The following HHAT variants were observed in gnomAD, a reference collection of about 807,000 sequenced individuals.
HHAT encodes hedgehog acyltransferase.
HHAT carries 47 observed loss-of-function variants against 70.8 expected under a neutral mutation model. That is an observed-to-expected ratio of 0.66 (90% CI 0.53 to 0.85). The LOEUF (loss-of-function observed/expected upper bound fraction) is 0.85. Among genes scored for constraint, HHAT ranks in the 40% least tolerant of loss-of-function variants. The probability of loss-of-function intolerance (pLI) is 0.00; values close to 1 mark genes in which losing one functional copy is unlikely to be tolerated. For missense variants in HHAT, 609 were observed against 604.8 expected, an observed-to-expected ratio of 1.01 and a Z score of -0.07; for synonymous variants, 228 against 247.6, an observed-to-expected ratio of 0.92 and a Z score of 0.74.
At chr1:210,334,584 ACCTGC>A (rs1383168298) in intron 1 of HHAT, among the ~76,000 whole-genome samples, 1 of 152,074 alleles carries the variant, frequency 6.6e-6, no homozygotes, top group Non-Finnish European at 1.5e-5. Flanking sequence ...TATATAATCT[ACCTGC>A]CCTGCTCCTT....
chr1:210,349,052 A>G lies in HHAT; in HGVS notation c.77A>G (p.Tyr26Cys), dbSNP rs756004234. ...CACTTCTATTCCTTCTATGAAGTTT[A>G]CAAAGTCTCCAGAGGTAAGGCCCCA... ...GFHFYSFYEV[Y>C]KVSREHEEEL... is the part of the protein sequence containing the mutation. Residue 26 changes from tyrosine to cysteine, a missense_variant, in exon 2 of 12, where the codon TAC (tyrosine) becomes TGC (cysteine). Coordinates refer to ENST00000261458, the MANE Select transcript of HHAT (RefSeq NM_018194.6). The G allele has an allele frequency of 3.7e-6, 6 of 1,613,970 alleles. No individual in the cohort carries two copies. Among genetic ancestry groups the G allele is most frequent in the Non-Finnish European group, 5.1e-6 (6 of 1,180,020 alleles).
chr1:210,493,471 G>T (rs1255265131), intron 8 of HHAT, among the ~76,000 whole-genome samples: 2 of 152,062 alleles, frequency 1.3e-5, no homozygotes, highest in African/African-American at 4.8e-5. Context: ...ACATTATGGA[G>T]GGTAATCTGC....
chr1:210,491,837 A>G (rs1397005566), intron 8 of HHAT, among the ~76,000 whole-genome samples: 3 of 152,104 alleles, frequency 2.0e-5, no homozygotes, highest in South Asian at 4.1e-4. Flanking sequence ...ATCTCAGCTC[A>G]CTGCAACCTC....
intron 8 of HHAT, among the ~76,000 whole-genome samples, chr1:210,480,831 A>G (rs1303057937): frequency 6.6e-6 from 1 of 152,110 alleles, no homozygotes; most frequent in Non-Finnish European, 1.5e-5. Context: ...GGATACACTC[A>G]TGTGGGACTT....
At chr1:210,598,709 G>C (rs987843074) in intron 10 of HHAT, among the ~76,000 whole-genome samples, 1 of 152,210 alleles carries the variant, frequency 6.6e-6, no homozygotes. Context: ...TGGAGGAGAG[G>C]TGGCATTGCA....
chr1:210,640,664 C>CA (rs1414459956), intron 11 of HHAT, among the ~76,000 whole-genome samples: 2 of 150,140 alleles, frequency 1.3e-5, no homozygotes, highest in Non-Finnish European at 3.0e-5. Context: ...CCCCGCACTC[C>CA]GCCCCCCACT....
chr1:210,670,246 G>A (rs1679806592), intron 11 of HHAT, among the ~76,000 whole-genome samples: 1 of 152,190 alleles, frequency 6.6e-6, no homozygotes, highest in African/African-American at 2.4e-5. Flanking sequence ...CTGCCCCCCT[G>A]GGCCACATCA....
At chr1:210,552,331 G>A (rs145512146) in intron 9 of HHAT, among the ~76,000 whole-genome samples, 2 of 152,318 alleles carry the variant, frequency 1.3e-5, no homozygotes, top group East Asian at 3.9e-4. Context: ...TGTTTAAAAT[G>A]TAGGTAACTT....
At chr1:210,348,162 T>A (rs1299484584) in intron 1 of HHAT, among the ~76,000 whole-genome samples, 1 of 152,096 alleles carries the variant, frequency 6.6e-6, no homozygotes, top group East Asian at 1.9e-4. Flanking sequence ...GGAGGATCAC[T>A]TGAGGCCAGG....
intron 3 of HHAT, among the ~76,000 whole-genome samples, chr1:210,383,880 G>A (rs1189575401): frequency 6.6e-6 from 1 of 152,192 alleles, no homozygotes; most frequent in Admixed American, 6.5e-5. Flanking sequence ...AGAAAGGACA[G>A]GTCTGTCAGT....
Position 210,418,068 on chromosome 1 carries a change from T to G in HHAT, c.685-86T>G, listed in dbSNP as rs553733366. The G allele has an allele frequency of 6.3e-6, 8 of 1,268,392 alleles. No homozygotes were observed. The African/African-American group carries it at 8.8e-5, about 14-fold the overall frequency. 78.6% of individuals were successfully genotyped at this position (1,268,392 alleles called of 1,614,324 possible). On this transcript the variant is annotated intron_variant, in intron 6 of 11. Coordinates refer to ENST00000261458, the MANE Select transcript of HHAT (RefSeq NM_018194.6). Reference sequence around the variant, plus strand: ...TGTCAGCTGGCATAGCAATAATATTTGTGGGAAGTTTATGAAAAATCTTAT... The same window carrying G: ...TGTCAGCTGGCATAGCAATAATATTGGTGGGAAGTTTATGAAAAATCTTAT...
intron 11 of HHAT, among the ~76,000 whole-genome samples, chr1:210,656,944 T>C (rs761794913): frequency 3.9e-5 from 6 of 152,188 alleles, no homozygotes; most frequent in Non-Finnish European, 7.3e-5. Flanking sequence ...ATCTCTGAGC[T>C]TGGATGCCTC....
intron 8 of HHAT, among the ~76,000 whole-genome samples, chr1:210,502,261 G>A (rs929279047): frequency 6.6e-6 from 1 of 150,996 alleles, no homozygotes; most frequent in Admixed American, 6.6e-5. Flanking sequence ...GTGGGCGCCT[G>A]TAGTCCCAGC....
chr1:210,518,978 T>C (rs1246450770), intron 9 of HHAT, among the ~76,000 whole-genome samples: 3 of 152,180 alleles, frequency 2.0e-5, no homozygotes, highest in Admixed American at 6.5e-5. Context: ...TAAGCTCTGA[T>C]TGGTGACTGA....
At chr1:210,643,830 A>G (rs1227994784) in intron 11 of HHAT, among the ~76,000 whole-genome samples, 4 of 151,956 alleles carry the variant, frequency 2.6e-5, no homozygotes, top group African/African-American at 9.7e-5. Context: ...CATTACACAG[A>G]TGAGCCAGTG....
intron 7 of HHAT, among the ~76,000 whole-genome samples, chr1:210,446,360 G>A (rs1040412355): frequency 2.0e-5 from 3 of 152,066 alleles, no homozygotes; most frequent in African/African-American, 7.2e-5. Context: ...CCTGTTTATG[G>A]AAAAAATACC....
In HHAT at chr1:210,453,995, G is replaced by A. The variant is rs192570270; in HGVS notation, c.857-10510G>A. Among the ~76,000 whole-genome samples, 26 of 152,260 alleles carry A rather than the reference G, an allele frequency of 1.7e-4. No homozygotes were observed. In the East Asian group the frequency reaches 3.3e-3, roughly 19 times the overall value. On this transcript the variant is annotated intron_variant, in intron 7 of 11. Coordinates refer to ENST00000261458, the MANE Select transcript of HHAT (RefSeq NM_018194.6). ...AGGTGAAAGGTACTTCTTACATGGC[G>A]GTGACAAGAGAGAAATGAGGAAGAA...
At chr1:210,347,461 T>A (rs2086624206) in intron 1 of HHAT, among the ~76,000 whole-genome samples, 1 of 152,238 alleles carries the variant, frequency 6.6e-6, no homozygotes, top group Admixed American at 6.5e-5. Context: ...CTTAAAATTT[T>A]GCTCTTATTT....
intron 9 of HHAT, among the ~76,000 whole-genome samples, chr1:210,579,376 A>G (rs950686228): frequency 6.6e-6 from 1 of 152,124 alleles, no homozygotes; most frequent in Non-Finnish European, 1.5e-5. Flanking sequence ...TTGCTAATCA[A>G]TGGGTATAAA....
Sources: allele counts gnomAD v4.1 joint callset (sites outside exome capture counted in the v4.1 genomes callset), GRCh38; gene constraint gnomAD v4.1.1; transcripts MANE v1.5; gene names NCBI Gene and HGNC (gene_info 2026-07-23, HGNC 2026-07-21).